Variants in RFTN1 observed in about 807,000 individuals in gnomAD.
RFTN1 encodes raftlin.
Under a neutral mutation model 46.5 loss-of-function variants are expected in RFTN1, and 26 were observed. That is an observed-to-expected ratio of 0.56 (90% CI 0.41 to 0.78). RFTN1 has a LOEUF of 0.78. RFTN1 is among the 30% of genes least tolerant of loss of function. The pLI is 0.00. For missense variants in RFTN1, 693 were observed against 718.7 expected (o/e 0.96, Z 0.41); for synonymous variants, 261 against 284.2 (o/e 0.92, Z 0.82).
At chr3:16,343,310 T>G (rs139327022) in intron 7 of RFTN1, among the ~76,000 whole-genome samples, 222 of 152,332 alleles carry the variant, frequency 1.5e-3, no homozygotes, top group African/African-American at 5.1e-3. Context: ...CCACTTCCTC[T>G]GCTAAAGAGT....
In RFTN1 at chr3:16,337,785, A is replaced by G. The variant is rs188931342; in HGVS notation, c.1147-10909T>C. Among the ~76,000 whole-genome samples the G allele has an allele frequency of 6.6e-6, 1 of 151,538 alleles. No homozygotes were observed. The highest frequency in any genetic ancestry group is 1.9e-4 in the East Asian group (1 of 5,164). On this transcript the variant is annotated intron_variant, in intron 7 of 9. Transcript: ENST00000334133. This position sits in a 1 kb window ranked among gnomAD's most constrained non-coding sequence, Gnocchi z 5.0. The stretch of plus-strand genomic sequence containing the variant: ...AAAGAAAGTCACCTCATTTGATTTG[A>G]GAGAAATACAATGATATAGTTACTG...
chr3:16,357,210 A>C (rs2125331441), intron 7 of RFTN1, among the ~76,000 whole-genome samples: 1 of 152,254 alleles, frequency 6.6e-6, no homozygotes, highest in Middle Eastern at 3.4e-3. Flanking sequence ...TTTATATCCC[A>C]GACACTGTGT....
At position 16,356,050 on chromosome 3, in the gene RFTN1, A is replaced by C. The variant is rs2072413450; in HGVS notation, c.1146+1882T>G. 1.3e-5 allele frequency among the ~76,000 whole-genome samples: 2 copies of C among 152,214 alleles called. No individual in the cohort carries two copies. The highest frequency in any genetic ancestry group is 4.8e-5 in the African/African-American group (2 of 41,438). On this transcript the variant is annotated intron_variant, in intron 7 of 9. Transcript: ENST00000334133. The surrounding 1 kb of genome is among the most constrained non-coding windows in gnomAD (Gnocchi z 4.9). Reference sequence around the variant, plus strand: ...GGAGCAAACTGAATGCCGGCTGCTCAGTCCTTCAGATCCTCAACTCTTGGC... The same window carrying C: ...GGAGCAAACTGAATGCCGGCTGCTCCGTCCTTCAGATCCTCAACTCTTGGC...
At chr3:16,319,882 TG>T (rs1328640204) in intron 9 of RFTN1, among the ~76,000 whole-genome samples, 1 of 152,168 alleles carries the variant, frequency 6.6e-6, no homozygotes, top group Non-Finnish European at 1.5e-5. Flanking sequence ...AAGTCCAGCC[TG>T]GGGAATGGAC....
chr3:16,420,205 G>A (rs984795469), intron 3 of RFTN1, among the ~76,000 whole-genome samples: 3 of 152,162 alleles, frequency 2.0e-5, no homozygotes, highest in Non-Finnish European at 4.4e-5. Flanking sequence ...GAATTTCAAT[G>A]CCCAGTGAGC....
At chr3:16,462,582 C>A (rs2076024460) in intron 2 of RFTN1, among the ~76,000 whole-genome samples, 1 of 152,226 alleles carries the variant, frequency 6.6e-6, no homozygotes, top group African/African-American at 2.4e-5. Flanking sequence ...CAGAGAGCTG[C>A]AGCTACGAGC....
At chr3:16,493,472 A>T (rs1045536732) in intron 2 of RFTN1, among the ~76,000 whole-genome samples, 1 of 152,100 alleles carries the variant, frequency 6.6e-6, no homozygotes, top group African/African-American at 2.4e-5. Flanking sequence ...ACCTCAGGTG[A>T]TCCACCCGCC....
In RFTN1 at chr3:16,336,949, A is replaced by G. The variant is rs2070913964; in HGVS notation, c.1147-10073T>C. On this transcript the variant is annotated intron_variant, in intron 7 of 9. Coordinates refer to ENST00000334133, the MANE Select transcript of RFTN1 (RefSeq NM_015150.2). This position sits in a 1 kb window ranked among gnomAD's most constrained non-coding sequence, Gnocchi z 6.0. ...CTGTGTCCAGGCCACTTTCCAACAC[A>G]GCTCGGCAGCTCCTCCCATAAGAGG... 6.6e-6 allele frequency among the ~76,000 whole-genome samples: 1 copy of G among 152,258 alleles called. No homozygotes were observed. Among genetic ancestry groups the G allele is most frequent in the Non-Finnish European group, 1.5e-5 (1 of 68,042 alleles).
intron 9 of RFTN1, among the ~76,000 whole-genome samples, chr3:16,319,705 A>C (rs2068830665): frequency 6.6e-6 from 1 of 152,214 alleles, no homozygotes; most frequent in African/African-American, 2.4e-5. Context: ...TGCTGATATA[A>C]TACAAAACGA....
Position 16,484,711 on chromosome 3 carries a change from C to T in RFTN1, c.145+9014G>A, listed in dbSNP as rs2076420656. 6.6e-6 allele frequency: 1 copy of T among 152,194 alleles called. No individual in the cohort carries two copies. Among genetic ancestry groups the T allele is most frequent in the South Asian group, 2.1e-4 (1 of 4,832 alleles). 9.4% of individuals were successfully genotyped at this position (152,194 alleles called of 1,614,324 possible). ...TTGAAGCCCTTCAATTTAGTTTAAA[C>T]CCACCACAGCACACAGAAGATTCAG... On this transcript the variant is annotated intron_variant, in intron 2 of 9. Coordinates refer to ENST00000334133, the MANE Select transcript of RFTN1 (RefSeq NM_015150.2). The surrounding 1 kb of genome is among the most constrained non-coding windows in gnomAD (Gnocchi z 4.6).
At chr3:16,476,247 G>A (rs111312784) in intron 2 of RFTN1, among the ~76,000 whole-genome samples, 17 of 152,226 alleles carry the variant, frequency 1.1e-4, no homozygotes, top group African/African-American at 4.1e-4. Flanking sequence ...ACAGAAAGCT[G>A]GTGTGCATGT....
intron 6 of RFTN1, among the ~76,000 whole-genome samples, chr3:16,368,947 TAAC>T (rs2073369696): frequency 1.3e-5 from 2 of 152,330 alleles, no homozygotes; most frequent in South Asian, 4.1e-4. Context: ...GATGTATTCT[TAAC>T]AAGCCAATCA....
chr3:16,326,625 C>T (rs2069721478), intron 8 of RFTN1, 148 bp downstream of exon 8: 1 of 624,844 alleles, frequency 1.6e-6, no homozygotes, highest in African/African-American at 1.9e-5. Context: ...GAAATTCTGG[C>T]TCTGCTGCTT....
chr3:16,410,486 G>T lies in RFTN1; in HGVS notation c.333-1003C>A, dbSNP rs1434150128. 1.3e-5 allele frequency among the ~76,000 whole-genome samples: 2 copies of T among 151,902 alleles called. No homozygotes were observed. Among genetic ancestry groups the T allele is most frequent in the Non-Finnish European group, 1.5e-5 (1 of 67,964 alleles). Reference sequence around the variant, plus strand: ...AATTGTTTTCATTTTTAAATGAAAAGAATATATTCCTATATCACTTAGAAA... The same window carrying T: ...AATTGTTTTCATTTTTAAATGAAAATAATATATTCCTATATCACTTAGAAA... On this transcript the variant is annotated intron_variant, in intron 3 of 9. Transcript: ENST00000334133. The surrounding 1 kb of genome is among the most constrained non-coding windows in gnomAD (Gnocchi z 4.6).
intron 2 of RFTN1, among the ~76,000 whole-genome samples, chr3:16,464,238 A>T (rs1278923098): frequency 6.6e-6 from 1 of 152,158 alleles, no homozygotes; most frequent in Non-Finnish European, 1.5e-5. Context: ...TATTTTTCCC[A>T]GAGCAGCAAC....
At chr3:16,486,535 G>T (rs553231024) in intron 2 of RFTN1, among the ~76,000 whole-genome samples, 1 of 152,306 alleles carries the variant, frequency 6.6e-6, no homozygotes, top group South Asian at 2.1e-4. Context: ...TTCGTGAAAA[G>T]ATTATCTGCT....
chr3:16,365,483 A>G (rs1465351280), intron 6 of RFTN1, among the ~76,000 whole-genome samples: 2 of 152,196 alleles, frequency 1.3e-5, no homozygotes, highest in African/African-American at 2.4e-5. Flanking sequence ...CATGTGTTTT[A>G]CTTATGTATT....
rs1303318808 is a variant in RFTN1, at chr3:16,442,578, T to G, written c.146-8541A>C. 6.6e-6 allele frequency among the ~76,000 whole-genome samples: 1 copy of G among 152,192 alleles called. No individual in the cohort carries two copies. ...TCATCTCACATAGTTAGTTTTCTTT[T>G]TTGTGCGTGGTAAGAGTACCTAAAA... On this transcript the variant is annotated intron_variant, in intron 2 of 9. Transcript: ENST00000334133. The surrounding 1 kb of genome is among the most constrained non-coding windows in gnomAD (Gnocchi z 4.1).
rs1357670928 is a variant in RFTN1, at chr3:16,424,373, G to C, written c.332+9478C>G. 2.0e-5 allele frequency among the ~76,000 whole-genome samples: 3 copies of C among 152,116 alleles called. No homozygotes were observed. The highest frequency in any genetic ancestry group is 7.2e-5 in the African/African-American group (3 of 41,428). ...TGAGGGAAGGTCATGGTATCTTTTG[G>C]TTACAAAACAGTGTATGTCTAAAAC... On this transcript the variant is annotated intron_variant, in intron 3 of 9. Transcript: ENST00000334133. The surrounding 1 kb of genome is among the most constrained non-coding windows in gnomAD (Gnocchi z 4.7).
Sources: allele counts gnomAD v4.1 joint callset (sites outside exome capture counted in the v4.1 genomes callset), GRCh38; gene constraint gnomAD v4.1.1; non-coding constraint Gnocchi (gnomAD v3.1); transcripts MANE v1.5; gene names NCBI Gene and HGNC (gene_info 2026-07-23, HGNC 2026-07-21).